IZUMO1: variants seen among roughly 807,000 people sequenced by gnomAD.
The protein encoded by IZUMO1 is izumo sperm-oocyte fusion 1.
In IZUMO1, 44 loss-of-function variants were observed where a neutral mutation model predicts 40.7. The ratio of observed to expected loss-of-function variants is 1.08; its 90% CI spans 0.85 to 1.39. The LOEUF (loss-of-function observed/expected upper bound fraction) is 1.39. Ranked by LOEUF, IZUMO1 falls within the 40% of genes most tolerant of loss-of-function variation. The pLI, the probability that IZUMO1 is intolerant of heterozygous loss-of-function variation, is 0.00. For synonymous variants in IZUMO1, 149 were observed against 170.9 expected, an observed-to-expected ratio of 0.87 and a Z score of 1.00; for missense variants, 368 against 436.9, an observed-to-expected ratio of 0.84 and a Z score of 1.41.
intron 5 of IZUMO1, 92 bp from the exon 6 acceptor site, chr19:48,743,617 T>G: frequency 2.1e-6 from 2 of 947,498 alleles, no homozygotes; most frequent in Non-Finnish European, 3.4e-6. Flanking sequence ...AGATCATCTA[T>G]GACATTCCTA....
In IZUMO1 at chr19:48,740,903, A is replaced by T; in HGVS notation, c.*5T>A. The T allele has an allele frequency of 1.2e-6, 2 of 1,613,942 alleles. No individual in the cohort carries two copies. The highest frequency in any genetic ancestry group is 1.7e-6 in the Non-Finnish European group (2 of 1,179,932). The stretch of plus-strand genomic sequence containing the variant: ...AGTCAGATGCTTAGACAACAAGATA[A>T]ATCTTTATTGTTGCCTCGAATCTGT... On this transcript the variant is annotated 3_prime_UTR_variant, in exon 10 of 10. Coordinates refer to ENST00000332955, the MANE Select transcript of IZUMO1 (RefSeq NM_182575.3). The surrounding 1 kb of genome is among the most constrained non-coding windows in gnomAD (Gnocchi z 5.5).
At chr19:48,745,566 CT>C (rs2033860095) in intron 2 of IZUMO1, 58 bp downstream of exon 2, 1 of 1,600,572 alleles carries the variant, frequency 6.2e-7, no homozygotes. Context: ...CTTCCTTCCC[CT>C]GGTCTTATCT....
At chr19:48,743,982 C>A in intron 5 of IZUMO1, 193 bp downstream of exon 5, 1 of 630,314 alleles carries the variant, frequency 1.6e-6, no homozygotes, top group Non-Finnish European at 2.9e-6. Context: ...CAGGGTGAGA[C>A]TGTCTCAAAA....
chr19:48,746,767 GACGAGGGT>G lies in IZUMO1; in HGVS notation c.-414_-407del. On this transcript the variant is annotated 5_prime_UTR_variant, in exon 1 of 10. Coordinates refer to ENST00000332955, the MANE Select transcript of IZUMO1 (RefSeq NM_182575.3). ...GGGTAAAATCAAGGATTGTGTTGGG[GACGAGGGT>G]AAGGTTGGTTGCGTGAAATCGAGAG... 1.0e-6 allele frequency: 1 copy of G among 985,436 alleles called. No individual in the cohort carries two copies. Among genetic ancestry groups the G allele is most frequent in the South Asian group, 4.7e-5 (1 of 21,280 alleles). The allele number at this position is 985,436 out of a possible 1,614,324, so 61.0% of individuals were successfully genotyped here.
rs1351287256 is a variant in IZUMO1, at chr19:48,741,878, A to G, written c.665T>C (p.Met222Thr). ...KGKEATLTKPMVGPEDAGSYR... is the reference protein window; with the variant it reads ...KGKEATLTKPTVGPEDAGSYR... ...GCTGCCTGCATCCTCTGGACCCACCATGGGCTTGGTCAGGGTGGCCTCTTT... is the reference window on the plus strand; with the variant it reads ...GCTGCCTGCATCCTCTGGACCCACCGTGGGCTTGGTCAGGGTGGCCTCTTT... Residue 222 changes from methionine to threonine, a missense_variant, in exon 8 of 10, where the codon ATG (methionine) becomes ACG (threonine). Physicochemically the swap from Met to Thr is moderately conservative, Grantham distance 81 (BLOSUM62 -1). Coordinates refer to ENST00000332955, the MANE Select transcript of IZUMO1 (RefSeq NM_182575.3). This position sits in a 1 kb window ranked among gnomAD's most constrained non-coding sequence, Gnocchi z 4.4. 8.7e-6 allele frequency: 14 copies of G among 1,612,498 alleles called. No homozygotes were observed. Among genetic ancestry groups the G allele is most frequent in the Non-Finnish European group, 1.2e-5 (14 of 1,178,770 alleles).
intron 6 of IZUMO1, chr19:48,742,946 G>A: frequency 6.5e-6 from 1 of 153,776 alleles, no homozygotes; most frequent in Non-Finnish European, 1.4e-5. Flanking sequence ...TGGCCAGGCT[G>A]GTCTTGAACT....
intron 5 of IZUMO1, 35 bp from the exon 6 acceptor site, chr19:48,743,560 C>T: frequency 6.6e-7 from 1 of 1,506,660 alleles, no homozygotes; most frequent in Non-Finnish European, 9.2e-7. Flanking sequence ...TATTTGCCCA[C>T]TAAGGGGCAT....
chr19:48,743,326 A>G lies in IZUMO1; in HGVS notation c.499+119T>C, dbSNP rs2033777868. 7.6e-6 allele frequency: 7 copies of G among 915,234 alleles called. No homozygotes were observed. In the East Asian group the frequency reaches 1.8e-4, roughly 24 times the overall value. The allele number at this position is 915,234 out of a possible 1,614,324, so 56.7% of individuals were successfully genotyped here. A position where few individuals can be genotyped will look rare whatever the true frequency, so the allele number is the denominator to read the frequency against. ...AGGTGTGAACCACTGCACCTGGCCTAAACCCTACCTTTTCTTGTCTACTGC... is the reference window on the plus strand; with the variant it reads ...AGGTGTGAACCACTGCACCTGGCCTGAACCCTACCTTTTCTTGTCTACTGC... On this transcript the variant is annotated intron_variant, in intron 6 of 9. Transcript: ENST00000332955.
At chr19:48,742,047 G>A in intron 7 of IZUMO1, 105 bp from the exon 8 acceptor site, 1 of 1,532,018 alleles carries the variant, frequency 6.5e-7, no homozygotes, top group Non-Finnish European at 8.8e-7. Context: ...TGAGTGTCCA[G>A]GGTGTCACTG....
intron 2 of IZUMO1, 48 bp downstream of exon 2, chr19:48,745,577 T>TCC: frequency 1.2e-6 from 2 of 1,607,236 alleles, no homozygotes; most frequent in Non-Finnish European, 8.5e-7. Context: ...TGGTCTTATC[T>TCC]CCCTCCTTTC....
chr19:48,743,297 C>G (rs2033776883), intron 6 of IZUMO1, 148 bp downstream of exon 6: 1 of 694,308 alleles, frequency 1.4e-6, no homozygotes, highest in East Asian at 2.7e-5. Flanking sequence ...AAGTGCGAGA[C>G]TATAGGTGTG....
At chr19:48,742,151 C>T in intron 7 of IZUMO1, 58 bp downstream of exon 7, 1 of 1,511,786 alleles carries the variant, frequency 6.6e-7, no homozygotes, top group Non-Finnish European at 9.2e-7. Context: ...CCCATAGATC[C>T]AGAACACAAG....
chr19:48,742,272 G>C lies in IZUMO1; in HGVS notation c.537C>G (p.Ile179Met), dbSNP rs1440859164. 4.3e-6 allele frequency: 7 copies of C among 1,613,958 alleles called. No individual in the cohort carries two copies. The highest frequency in any genetic ancestry group is 5.9e-6 in the Non-Finnish European group (7 of 1,179,942). The change falls in exon 7 of 10, where the codon ATC becomes ATG. Residue 179 changes from isoleucine (I) to methionine (M), a missense_variant. Ile to Met is a conservative substitution (Grantham distance 10, BLOSUM62 1). Coordinates refer to ENST00000332955, the MANE Select transcript of IZUMO1 (RefSeq NM_182575.3). The part of the protein sequence containing the change: ...NVEVPQMEDM[I>M]LDCELNWHQA... The stretch of plus-strand genomic sequence containing the variant: ...GATGCCAGTTTAACTCACAGTCCAG[G>C]ATCATGTCTTCCATTTGAGGAACTT...
In IZUMO1 at chr19:48,742,313, G is replaced by A. The variant is rs1009994209; in HGVS notation, c.500-4C>T. On this transcript the variant is annotated splice_polypyrimidine_tract_variant and splice_region_variant and intron_variant, in intron 6 of 9. Transcript: ENST00000332955. ...TGAGGAACTTCCACATTCCGCTCTG[G>A]GGGTGGGGGATGACCATGGGACACT... The A allele has an allele frequency of 3.1e-6, 5 of 1,602,512 alleles. No individual in the cohort carries two copies. Among genetic ancestry groups the A allele is most frequent in the Admixed American group, 1.7e-5 (1 of 59,984 alleles).
intron 4 of IZUMO1, 79 bp from the exon 5 acceptor site, chr19:48,744,274 G>T: frequency 1.4e-6 from 2 of 1,460,460 alleles, no homozygotes; most frequent in Non-Finnish European, 1.9e-6. Context: ...TGGAAGAGGG[G>T]GTTGGGGGAA....
intron 5 of IZUMO1, 70 bp downstream of exon 5, chr19:48,744,104 CA>C (rs1568487271): frequency 7.1e-7 from 1 of 1,405,792 alleles, no homozygotes; most frequent in Non-Finnish European, 1.0e-6. Context: ...CACCAGGATC[CA>C]AAAAGGCGAG....
At chr19:48,745,461 G>A (rs1450564087) in intron 2 of IZUMO1, 164 bp downstream of exon 2, 1 of 1,049,990 alleles carries the variant, frequency 9.5e-7, no homozygotes, top group Admixed American at 2.4e-5. Context: ...GCCAGCCGAG[G>A]ATAGGGAAAA....
At chr19:48,745,546 C>A in intron 2 of IZUMO1, 79 bp downstream of exon 2, 1 of 1,539,168 alleles carries the variant, frequency 6.5e-7, no homozygotes, top group South Asian at 1.1e-5. Flanking sequence ...GGAGACCCTG[C>A]TGTCAGCCTC....
rs543061235 is a variant in IZUMO1 at position 48,741,148 on chromosome 19, T to C, written c.933-120A>G. On this transcript the variant is annotated intron_variant, in intron 9 of 9. Coordinates refer to ENST00000332955, the MANE Select transcript of IZUMO1 (RefSeq NM_182575.3). This position sits in a 1 kb window ranked among gnomAD's most constrained non-coding sequence, Gnocchi z 4.4. ...CTAGCAATTACCTAAGCCTCGCCCT[T>C]CGAAGTCCTCCTATTCAAGCCCCCC... 3.6e-5 allele frequency: 54 copies of C among 1,499,122 alleles called. No individual in the cohort carries two copies. In the Admixed American group the frequency reaches 1.0e-3, roughly 29 times the overall value. The allele number at this position is 1,499,122 out of a possible 1,614,324, so 92.9% of individuals were successfully genotyped here. A position where few individuals can be genotyped will look rare whatever the true frequency, so the allele number is the denominator to read the frequency against.
Sources: gnomAD v4.1 joint callset for allele counts on GRCh38, gnomAD v4.1.1 for gene constraint, Gnocchi (gnomAD v3.1) non-coding constraint, MANE v1.5 for transcripts, NCBI Gene and HGNC (gene_info 2026-07-23, HGNC 2026-07-21) for gene names.